SLC45A4: variants seen among roughly 807,000 people sequenced by gnomAD.
SLC45A4 encodes the protein polyamine-transporter SLC45A4.
A neutral mutation model predicts 63.7 loss-of-function variants in SLC45A4; 32 were observed. That is an observed-to-expected ratio of 0.50 (90% confidence interval 0.38 to 0.67). The LOEUF (loss-of-function observed/expected upper bound fraction) is 0.67. Ranked by LOEUF, SLC45A4 falls within the 30% of genes least tolerant of loss-of-function variation. SLC45A4 has a pLI of 0.00. For synonymous variants in SLC45A4, 535 were observed against 510.0 expected (o/e 1.05, Z -0.66); for missense variants, 1,027 against 1,157.7 (o/e 0.89, Z 1.64).
Position 141,282,621 on chromosome 8 carries a change from G to A in SLC45A4, c.-401+25475C>T, listed in dbSNP as rs561652924. Among the ~76,000 whole-genome samples, 14 of 152,358 alleles carry A rather than the reference G, an allele frequency of 9.2e-5. No homozygotes were observed. In the South Asian group the frequency reaches 2.7e-3, roughly 29 times the overall value. ...TCCCTTTTCCATGAACTCTGCACTC[G>A]CCTCCCCTTTGCACTTCACAACATT... On this transcript the variant is annotated intron_variant, in intron 1 of 8. Coordinates refer to ENST00000517878, the MANE Select transcript of SLC45A4 (RefSeq NM_001286646.2).
intron 1 of SLC45A4, among the ~76,000 whole-genome samples, chr8:141,297,378 G>A (rs1201750152): frequency 3.9e-5 from 6 of 152,196 alleles, no homozygotes; most frequent in Admixed American, 2.6e-4. Flanking sequence ...AGAACTGTGT[G>A]GGCAAAAATA....
intron 1 of SLC45A4, among the ~76,000 whole-genome samples, chr8:141,264,749 A>G (rs921505198): frequency 6.6e-6 from 1 of 152,098 alleles, no homozygotes; most frequent in African/African-American, 2.4e-5. Flanking sequence ...GGTCTTCCAC[A>G]TTGTTTTCTC....
intron 1 of SLC45A4, among the ~76,000 whole-genome samples, chr8:141,268,934 G>A (rs1406925028): frequency 6.6e-6 from 1 of 152,182 alleles, no homozygotes; most frequent in Non-Finnish European, 1.5e-5. Context: ...GAAATACAAA[G>A]TTCACACCAG....
rs1262050942 is a variant in SLC45A4 at position 141,221,652 on chromosome 8, G to A, written c.355C>T (p.Arg119Trp). 13 of 1,613,936 alleles carry A rather than the reference G, an allele frequency of 8.1e-6. No homozygotes were observed. Among genetic ancestry groups the A allele is most frequent in the African/African-American group, 1.3e-5 (1 of 74,938 alleles). Residue 119 changes from arginine (R) to tryptophan (W), a missense_variant, in exon 3 of 9, where the codon CGG (arginine) becomes TGG (tryptophan). Physicochemically the swap from Arg to Trp is moderately radical, Grantham distance 101. Coordinates refer to ENST00000517878, the MANE Select transcript of SLC45A4 (RefSeq NM_001286646.2). ...SDRCTLSWGR[R>W]RPFILALCVG... The stretch of plus-strand genomic sequence containing the variant: ...CAGAGGGCGAGGATGAAGGGCCGCC[G>A]GCGGCCCCAGCTCAGGGTGCACCGG...
chr8:141,240,202 C>T (rs1007310631), intron 2 of SLC45A4, among the ~76,000 whole-genome samples: 3 of 152,224 alleles, frequency 2.0e-5, no homozygotes, highest in Admixed American at 6.5e-5. Context: ...AATCTGCAGA[C>T]GTCACTTATT....
chr8:141,225,055 C>A (rs4961341), intron 2 of SLC45A4: 51,658 of 152,054 alleles, frequency 0.34, 9,096 homozygotes, highest in South Asian at 0.41. Context: ...TCTGTGCTCT[C>A]CATTCTGAGC....
rs976617421 is a variant in SLC45A4, at chr8:141,271,024, A to G, written c.-400-16395T>C. On this transcript the variant is annotated intron_variant, in intron 1 of 8. Transcript: ENST00000517878. Reference sequence around the variant, plus strand: ...TTGGGTGCTAACGCCAAGCCAGAGTAAAGGACCTACAATGGCACTATTCCC... The same window carrying G: ...TTGGGTGCTAACGCCAAGCCAGAGTGAAGGACCTACAATGGCACTATTCCC... 3.9e-5 allele frequency among the ~76,000 whole-genome samples: 6 copies of G among 152,320 alleles called. No homozygotes were observed. In the East Asian group the frequency reaches 1.2e-3, roughly 29 times the overall value.
intron 1 of SLC45A4, among the ~76,000 whole-genome samples, chr8:141,292,006 C>T (rs12155851): frequency 0.043 from 6,528 of 152,358 alleles, 192 homozygotes; most frequent in Middle Eastern, 0.085. Context: ...GTCTGGCCAC[C>T]GCGTTGGCCC....
intron 2 of SLC45A4, among the ~76,000 whole-genome samples, chr8:141,231,508 C>T (rs901872492): frequency 2.6e-5 from 4 of 152,238 alleles, no homozygotes; most frequent in South Asian, 2.1e-4. Flanking sequence ...CCAAGAGGGC[C>T]GCGCAGCTAC....
Position 141,252,301 on chromosome 8 carries a change from G to A in SLC45A4, c.241+1688C>T, listed in dbSNP as rs79613304. On this transcript the variant is annotated intron_variant, in intron 2 of 8. Transcript: ENST00000517878. ...TACAGGGTCCCCGCTCTGCTGCCCG[G>A]TAATCTGGAAGAGACACCACATCTT... 13 of 154,170 alleles carry A rather than the reference G, an allele frequency of 8.4e-5. No individual in the cohort carries two copies. The East Asian group carries it at 2.5e-3, about 30-fold the overall frequency. The allele number at this position is 154,170 out of a possible 1,614,324, so 9.6% of individuals were successfully genotyped here. A position where few individuals can be genotyped will look rare whatever the true frequency, so the allele number is the denominator to read the frequency against.
chr8:141,272,178 C>T (rs1420175799), intron 1 of SLC45A4, among the ~76,000 whole-genome samples: 2 of 152,240 alleles, frequency 1.3e-5, no homozygotes, highest in African/African-American at 2.4e-5. Context: ...TATATAAAGA[C>T]AGGAAATGCA....
intron 1 of SLC45A4, among the ~76,000 whole-genome samples, chr8:141,292,067 T>G (rs984131930): frequency 6.6e-6 from 1 of 152,130 alleles, no homozygotes; most frequent in Admixed American, 6.5e-5. Flanking sequence ...TGCGCTAACT[T>G]AGGTATCACA....
At chr8:141,233,547 C>A (rs1159399301) in intron 2 of SLC45A4, among the ~76,000 whole-genome samples, 3 of 152,086 alleles carry the variant, frequency 2.0e-5, no homozygotes, top group Non-Finnish European at 4.4e-5. Flanking sequence ...ATTAGCCGGG[C>A]ATGGTGGCAG....
At chr8:141,297,664 C>T (rs746520043) in intron 1 of SLC45A4, among the ~76,000 whole-genome samples, 4 of 152,226 alleles carry the variant, frequency 2.6e-5, no homozygotes, top group Non-Finnish European at 4.4e-5. Context: ...ACTGACAGCC[C>T]GGCCAGTGGC....
chr8:141,254,659 G>A lies in SLC45A4; in HGVS notation c.-400-30C>T, dbSNP rs1347721773. 1 of 697,110 alleles carries A rather than the reference G, an allele frequency of 1.4e-6. No homozygotes were observed. Among genetic ancestry groups the A allele is most frequent in the East Asian group, 2.7e-5 (1 of 37,036 alleles). The allele number at this position is 697,110 out of a possible 1,614,324, so 43.2% of individuals were successfully genotyped here. A position where few individuals can be genotyped will look rare whatever the true frequency, so the allele number is the denominator to read the frequency against. On this transcript the variant is annotated intron_variant, in intron 1 of 8. Coordinates refer to ENST00000517878, the MANE Select transcript of SLC45A4 (RefSeq NM_001286646.2). This position sits in a 1 kb window ranked among gnomAD's most constrained non-coding sequence, Gnocchi z 4.5. ...AAAAGAGGAAAACAACCCGGCCAGA[G>A]AGTCAGGGGACGGCCACCAGATGGC...
chr8:141,281,301 C>T lies in SLC45A4; in HGVS notation c.-400-26672G>A, dbSNP rs140880796. On this transcript the variant is annotated intron_variant, in intron 1 of 8. Transcript: ENST00000517878. Reference sequence around the variant, plus strand: ...GTGCAGTGAGCTGAGATCACGCCACCGTACTCCAGCCTGGGTGACAGAGCA... The same window carrying T: ...GTGCAGTGAGCTGAGATCACGCCACTGTACTCCAGCCTGGGTGACAGAGCA... Among the ~76,000 whole-genome samples, 712 of 152,196 alleles carry T rather than the reference C, an allele frequency of 4.7e-3. 3 individuals carry two copies. Among genetic ancestry groups the T allele is most frequent in the African/African-American group, 0.016 (658 of 41,522 alleles).
intron 1 of SLC45A4, among the ~76,000 whole-genome samples, chr8:141,268,290 C>T (rs1461114254): frequency 6.6e-6 from 1 of 152,252 alleles, no homozygotes; most frequent in East Asian, 1.9e-4. Context: ...AAAGAAGCAG[C>T]GGTGACCAGG....
Position 141,275,042 on chromosome 8 carries a change from G to A in SLC45A4, c.-400-20413C>T, listed in dbSNP as rs115074663. Among the ~76,000 whole-genome samples the A allele has an allele frequency of 1.8e-3, 274 of 152,352 alleles. 1 individual carries two copies. Among genetic ancestry groups the A allele is most frequent in the African/African-American group, 6.2e-3 (259 of 41,586 alleles). On this transcript the variant is annotated intron_variant, in intron 1 of 8. Transcript: ENST00000517878. ...AAGTGGCTGGACAACTCTACGGGGCGTGGCGCCGGCAGGAGCCAGCTCTGA... is the reference window on the plus strand; with the variant it reads ...AAGTGGCTGGACAACTCTACGGGGCATGGCGCCGGCAGGAGCCAGCTCTGA...
At chr8:141,268,798 C>T (rs780074969) in intron 1 of SLC45A4, among the ~76,000 whole-genome samples, 9 of 152,162 alleles carry the variant, frequency 5.9e-5, no homozygotes, top group African/African-American at 2.2e-4. Flanking sequence ...CACCTGCTTA[C>T]ACCTGAACAA....
Sources: gnomAD v4.1 joint callset for allele counts (sites outside exome capture counted in the v4.1 genomes callset) on GRCh38, gnomAD v4.1.1 for gene constraint, Gnocchi (gnomAD v3.1) non-coding constraint, MANE v1.5 for transcripts, NCBI Gene and HGNC (gene_info 2026-07-23, HGNC 2026-07-21) for gene names.